The following NBEA variants were observed in gnomAD, a reference collection of about 807,000 sequenced individuals.
The protein encoded by NBEA is lysosomal-trafficking regulator 2.
NBEA carries 44 observed loss-of-function variants against 343.4 expected under a neutral mutation model. That is an observed-to-expected ratio of 0.13 (90% CI 0.10 to 0.16). The LOEUF (loss-of-function observed/expected upper bound fraction) is 0.16. Among genes scored for constraint, NBEA ranks in the 10% least tolerant of loss-of-function variants. NBEA has a pLI of 1.00. For synonymous variants in NBEA, 1,175 were observed against 1,238.7 expected (o/e 0.95, Z 1.08); for missense variants, 2,555 against 3,631.3 (o/e 0.70, Z 7.62).
chr13:35,613,448 C>T (rs895817727), intron 48 of NBEA, among the ~76,000 whole-genome samples: 2 of 151,880 alleles, frequency 1.3e-5, no homozygotes, highest in African/African-American at 4.8e-5. Context: ...TCCATTCATT[C>T]GTTGGTAGAC....
intron 10 of NBEA, among the ~76,000 whole-genome samples, chr13:35,082,182 C>A (rs1269687251): frequency 1.3e-5 from 2 of 151,952 alleles, no homozygotes; most frequent in African/African-American, 4.8e-5. Flanking sequence ...TTTTTTTGTC[C>A]CTGAGATAGT....
intron 10 of NBEA, among the ~76,000 whole-genome samples, chr13:35,080,020 C>T (rs1367993723): frequency 1.3e-5 from 2 of 151,982 alleles, no homozygotes; most frequent in Non-Finnish European, 2.9e-5. Context: ...GTAATATTAC[C>T]TATTTCTGAA....
chr13:35,178,538 A>G (rs2071075811), intron 28 of NBEA, among the ~76,000 whole-genome samples: 1 of 151,682 alleles, frequency 6.6e-6, no homozygotes, highest in African/African-American at 2.4e-5. Context: ...AACAAGTATT[A>G]CATATGTATA....
intron 38 of NBEA, among the ~76,000 whole-genome samples, chr13:35,398,815 A>G (rs969528379): frequency 6.6e-5 from 10 of 152,044 alleles, no homozygotes; most frequent in Non-Finnish European, 4.4e-5. Context: ...TTCAACTTCA[A>G]GTTGTCAGCT....
intron 38 of NBEA, among the ~76,000 whole-genome samples, chr13:35,353,968 TAC>T (rs1419771489): frequency 1.3e-5 from 2 of 152,188 alleles, no homozygotes; most frequent in Admixed American, 1.3e-4. Flanking sequence ...ATTTCTGTGT[TAC>T]AGTCTTGAGG....
rs1015791373 is a variant in NBEA, at chr13:35,671,808, G to A, written c.*817G>A. On this transcript the variant is annotated 3_prime_UTR_variant, in exon 59 of 59. Transcript: ENST00000379939. ...CATAATTTGAAGACACAGCAGAAAG[G>A]GGGCTTAGGGATGAGGTCCTGGTTT... 2 of 152,592 alleles carry A rather than the reference G, an allele frequency of 1.3e-5. No individual in the cohort carries two copies. Among genetic ancestry groups the A allele is most frequent in the African/African-American group, 4.8e-5 (2 of 41,418 alleles). 9.5% of individuals were successfully genotyped at this position (152,592 alleles called of 1,614,324 possible).
At chr13:35,177,660 A>G (rs752939084) in intron 28 of NBEA, among the ~76,000 whole-genome samples, 5 of 151,808 alleles carry the variant, frequency 3.3e-5, no homozygotes, top group Non-Finnish European at 7.4e-5. Context: ...CAGGCAAATA[A>G]AAATAAGATT....
intron 27 of NBEA, among the ~76,000 whole-genome samples, chr13:35,174,828 C>T (rs1001334868): frequency 1.3e-5 from 2 of 150,120 alleles, no homozygotes; most frequent in African/African-American, 4.9e-5. Flanking sequence ...GAGTCTCACT[C>T]TGTTGCCAGG....
chr13:35,415,862 A>G (rs1336553979), intron 38 of NBEA, among the ~76,000 whole-genome samples: 7 of 152,152 alleles, frequency 4.6e-5, no homozygotes, highest in Non-Finnish European at 1.0e-4. Flanking sequence ...CTTCCTATCC[A>G]TGAGCATGGA....
intron 34 of NBEA, among the ~76,000 whole-genome samples, chr13:35,255,253 A>G (rs1233177270): frequency 1.3e-5 from 2 of 152,212 alleles, no homozygotes; most frequent in African/African-American, 4.8e-5. Flanking sequence ...CATTCTTTCC[A>G]TATTGAATTA....
At chr13:34,958,945 C>T (rs145978660) in intron 1 of NBEA, among the ~76,000 whole-genome samples, 1 of 152,064 alleles carries the variant, frequency 6.6e-6, no homozygotes, top group South Asian at 2.1e-4. Context: ...TTATGTCAAA[C>T]CTTTCTTTTT....
chr13:34,985,353 A>C (rs781515065), intron 1 of NBEA, among the ~76,000 whole-genome samples: 1 of 150,880 alleles, frequency 6.6e-6, no homozygotes, highest in Admixed American at 6.6e-5. Flanking sequence ...ATTGATTTGC[A>C]TATGTTGAAC....
chr13:35,140,938 G>C (rs924561560), intron 17 of NBEA, among the ~76,000 whole-genome samples: 9 of 152,164 alleles, frequency 5.9e-5, no homozygotes, highest in Admixed American at 2.6e-4. Context: ...TAGCTCCATT[G>C]TCTTCCTTCT....
At chr13:35,620,602 A>G (rs927208876) in intron 48 of NBEA, among the ~76,000 whole-genome samples, 3 of 152,114 alleles carry the variant, frequency 2.0e-5, no homozygotes, top group African/African-American at 7.2e-5. Context: ...AGTCCTTGCA[A>G]TCTTTTGAGT....
At chr13:35,236,353 C>T (rs1456670547) in intron 34 of NBEA, among the ~76,000 whole-genome samples, 13 of 152,060 alleles carry the variant, frequency 8.5e-5, no homozygotes, top group Non-Finnish European at 1.2e-4. Context: ...AAAGAAGTTA[C>T]ATACTATCAC....
intron 1 of NBEA, among the ~76,000 whole-genome samples, chr13:34,955,613 G>A (rs1025462646): frequency 2.8e-4 from 43 of 152,142 alleles, no homozygotes; most frequent in Admixed American, 1.3e-3. Context: ...CAAGAGCCAC[G>A]AAAGAGTGTT....
chr13:35,523,738 G>A (rs973147402), intron 41 of NBEA, among the ~76,000 whole-genome samples: 9 of 152,026 alleles, frequency 5.9e-5, no homozygotes, highest in African/African-American at 1.9e-4. Flanking sequence ...TTTTAGATTT[G>A]TACTTTTTCT....
chr13:35,118,014 A>G (rs1179101297), intron 14 of NBEA, among the ~76,000 whole-genome samples: 2 of 152,004 alleles, frequency 1.3e-5, no homozygotes, highest in African/African-American at 2.4e-5. Context: ...TCAATCAAAT[A>G]CTAATGACTT....
intron 28 of NBEA, 129 bp from the exon 29 acceptor site, chr13:35,182,231 G>A: frequency 2.6e-6 from 1 of 388,338 alleles, no homozygotes; most frequent in Non-Finnish European, 4.4e-6. Context: ...TATATATTTA[G>A]CAGGTTTTCA....
Sources: allele counts gnomAD v4.1 joint callset (sites outside exome capture counted in the v4.1 genomes callset), GRCh38; gene constraint gnomAD v4.1.1; transcripts MANE v1.5; gene names NCBI Gene and HGNC (gene_info 2026-07-23, HGNC 2026-07-21).